Variants in ERBIN observed in about 807,000 individuals in gnomAD.
ERBIN encodes the protein erbb2 interacting protein.
A neutral mutation model predicts 158.4 loss-of-function variants in ERBIN; 60 were observed. The observed-to-expected ratio is 0.38, with a 90% CI of 0.31 to 0.47. The LOEUF (loss-of-function observed/expected upper bound fraction) is 0.47, where lower values mean the gene tolerates loss of function less well. Among genes scored for constraint, ERBIN ranks in the 20% least tolerant of loss-of-function variants. ERBIN has a pLI of 0.99. For synonymous variants in ERBIN, 594 were observed against 557.2 expected (o/e 1.07, Z -0.93); for missense variants, 1,610 against 1,648.0 (o/e 0.98, Z 0.40).
intron 1 of ERBIN, among the ~76,000 whole-genome samples, chr5:65,962,808 T>C (rs1748067261): frequency 6.6e-6 from 1 of 152,196 alleles, no homozygotes; most frequent in Admixed American, 6.5e-5. Context: ...CTGATATTGT[T>C]CATCAATGAA....
At chr5:66,022,993 A>ATTATATAAAATTATAT (rs1755857112) in intron 8 of ERBIN, 2 of 223,220 alleles carry the variant, frequency 9.0e-6, no homozygotes, top group Non-Finnish European at 8.6e-6. Context: ...ATTATATAAA[A>ATTATATAAAATTATAT]ACTTGCCCCT....
intron 1 of ERBIN, among the ~76,000 whole-genome samples, chr5:65,936,888 G>C (rs976808157): frequency 2.6e-5 from 4 of 152,162 alleles, no homozygotes; most frequent in African/African-American, 9.7e-5. Context: ...TGAAGAGTGT[G>C]TATCAATTTG....
At chr5:65,965,664 ATTACAGGTGTGAAC>A in intron 1 of ERBIN, among the ~76,000 whole-genome samples, 1 of 152,160 alleles carries the variant, frequency 6.6e-6, no homozygotes, top group Non-Finnish European at 1.5e-5. Flanking sequence ...AAGTGCTGGG[ATTACAGGTGTGAAC>A]CACTGCACCT....
At chr5:65,956,085 A>C (rs1247071380) in intron 1 of ERBIN, among the ~76,000 whole-genome samples, 1 of 152,168 alleles carries the variant, frequency 6.6e-6, no homozygotes, top group Non-Finnish European at 1.5e-5. Flanking sequence ...ATTCACCCCT[A>C]ATAAGGGGAG....
chr5:66,011,609 C>A (rs1474631224), intron 4 of ERBIN, among the ~76,000 whole-genome samples: 1 of 152,206 alleles, frequency 6.6e-6, no homozygotes, highest in African/African-American at 2.4e-5. Context: ...ATCACTTGAA[C>A]CCAGGAGGCA....
intron 7 of ERBIN, among the ~76,000 whole-genome samples, 167 bp downstream of exon 7, chr5:66,014,892 G>T (rs908896019): frequency 9.2e-5 from 14 of 152,156 alleles, no homozygotes; most frequent in African/African-American, 3.1e-4. Context: ...AAATGTATGT[G>T]TCTGTTGTTG....
In ERBIN at chr5:66,076,965, CT is replaced by C. The variant is rs397883288; in HGVS notation, c.4131+27del. The C allele has an allele frequency of 0.011, 14,114 of 1,240,156 alleles. 1 individual carries two copies. The highest frequency in any genetic ancestry group is 0.016 in the South Asian group (1,043 of 66,678). 76.8% of individuals were successfully genotyped at this position (1,240,156 alleles called of 1,614,324 possible). A position where few individuals can be genotyped will look rare whatever the true frequency, so the allele number is the denominator to read the frequency against. ...AATTATTCAGGTAATTAAAATAAAT[CT>C]TTTTTTTTTTCATTTTATAACACTC... On this transcript the variant is annotated intron_variant, in intron 25 of 25. Transcript: ENST00000284037.
At chr5:66,047,008 A>T (rs930155369) in intron 18 of ERBIN, among the ~76,000 whole-genome samples, 1 of 152,134 alleles carries the variant, frequency 6.6e-6, no homozygotes, top group African/African-American at 2.4e-5. Context: ...ACTTATTTAA[A>T]GTATTCAATT....
At chr5:66,026,234 A>T (rs1756237258) in intron 12 of ERBIN, 68 bp from the exon 13 acceptor site, 4 of 949,834 alleles carry the variant, frequency 4.2e-6, no homozygotes, top group South Asian at 1.8e-5. Context: ...TTCAAAAATG[A>T]TGTTTTTTAT....
chr5:65,989,179 T>G (rs1316379168), intron 2 of ERBIN, among the ~76,000 whole-genome samples: 1 of 152,192 alleles, frequency 6.6e-6, no homozygotes, highest in African/African-American at 2.4e-5. Flanking sequence ...AGGCTAGGCT[T>G]TCTTCCTTTT....
chr5:66,019,674 A>C (rs903083249), intron 7 of ERBIN, among the ~76,000 whole-genome samples: 4 of 152,084 alleles, frequency 2.6e-5, no homozygotes, highest in African/African-American at 9.7e-5. Context: ...TATCTGTATC[A>C]CTCACGTTTT....
intron 1 of ERBIN, among the ~76,000 whole-genome samples, chr5:65,960,105 C>T (rs761536104): frequency 6.6e-6 from 1 of 152,178 alleles, no homozygotes; most frequent in Non-Finnish European, 1.5e-5. Context: ...GCAGAAAGAA[C>T]AGATAAACAA....
Position 66,054,876 on chromosome 5 carries a change from T to C in ERBIN, c.3558T>C (p.Pro1186=). ...GTTCTGAGCATTCTTTATTAGATCC[T>C]CCAGGAAAAAGTAAAGTTCCTCGTG... is the stretch of plus-strand genomic sequence containing the variant. ...RVGSEHSLLD[P]PGKSKVPRDW... The change falls in exon 21 of 26, where the codon CCT becomes CCC. Residue 1186 remains proline, a synonymous_variant. Transcript: ENST00000284037. The C allele has an allele frequency of 6.2e-7, 1 of 1,613,906 alleles. No individual in the cohort carries two copies. Among genetic ancestry groups the C allele is most frequent in the East Asian group, 2.2e-5 (1 of 44,884 alleles).
At chr5:66,059,362 G>T (rs761599032) in intron 21 of ERBIN, among the ~76,000 whole-genome samples, 2 of 152,176 alleles carry the variant, frequency 1.3e-5, no homozygotes, top group South Asian at 2.1e-4. Context: ...GTATAAGGAT[G>T]CTTGTGATTT....
intron 1 of ERBIN, among the ~76,000 whole-genome samples, chr5:65,964,946 A>G (rs867167472): frequency 3.1e-4 from 23 of 75,048 alleles, no homozygotes; most frequent in Middle Eastern, 8.6e-3. Context: ...GTGTGTGTGT[A>G]ATTTTTTTTT....
In ERBIN at chr5:66,025,929, A is replaced by G; in HGVS notation, c.972A>G (p.Leu324=). 1.9e-6 allele frequency: 3 copies of G among 1,596,240 alleles called. No homozygotes were observed. In the South Asian group the frequency reaches 3.4e-5, roughly 18 times the overall value. ...CATCTATTGGGCAGCTTACTAACTT[A>G]AGAACTTTTGCTGCTGATCATAATT... ...LPSSIGQLTN[L]RTFAADHNYL... is the part of the protein sequence containing the mutation. The change falls in exon 12 of 26, where the codon TTA becomes TTG. Residue 324 remains leucine (L), a synonymous_variant. Coordinates refer to ENST00000284037, the MANE Select transcript of ERBIN (RefSeq NM_001253697.2).
In ERBIN at chr5:66,079,508, A is replaced by C. The variant is rs1762283182; in HGVS notation, c.*978A>C. On this transcript the variant is annotated 3_prime_UTR_variant, in exon 26 of 26. Transcript: ENST00000284037. ...CAGTTTTAAGATTGTGTTGCCTGTAACACAAAATGTTACGAAGGTTTAGGA... is the reference window on the plus strand; with the variant it reads ...CAGTTTTAAGATTGTGTTGCCTGTACCACAAAATGTTACGAAGGTTTAGGA... 1 of 152,500 alleles carries C rather than the reference A, an allele frequency of 6.6e-6. No homozygotes were observed. Among genetic ancestry groups the C allele is most frequent in the African/African-American group, 2.4e-5 (1 of 41,324 alleles). 9.4% of individuals were successfully genotyped at this position (152,500 alleles called of 1,614,324 possible).
chr5:65,975,121 C>T (rs745403890), intron 1 of ERBIN, among the ~76,000 whole-genome samples: 2 of 152,190 alleles, frequency 1.3e-5, no homozygotes, highest in Admixed American at 6.5e-5. Context: ...AATTCCCCTG[C>T]CTCAGCCTCT....
chr5:66,073,984 T>A (rs975215501), intron 22 of ERBIN, among the ~76,000 whole-genome samples: 2 of 150,654 alleles, frequency 1.3e-5, no homozygotes, highest in Non-Finnish European at 2.9e-5. Flanking sequence ...GCTCAAATGA[T>A]CCTCCTACTT....
Sources: gnomAD v4.1 joint callset for allele counts (sites outside exome capture counted in the v4.1 genomes callset) on GRCh38, gnomAD v4.1.1 for gene constraint, MANE v1.5 for transcripts, NCBI Gene and HGNC (gene_info 2026-07-23, HGNC 2026-07-21) for gene names.